Variants in RIMS3 observed in about 807,000 individuals in gnomAD.
RIMS3 encodes regulating synaptic membrane exocytosis protein 3.
Under a neutral mutation model 29.2 loss-of-function variants are expected in RIMS3, and 15 were observed. That is an observed-to-expected ratio of 0.51 (90% CI 0.34 to 0.79). The LOEUF is 0.79. Ranked by LOEUF, RIMS3 falls within the 30% of genes least tolerant of loss-of-function variation. The pLI, the probability that RIMS3 is intolerant of heterozygous loss-of-function variation, is 0.01. For missense variants in RIMS3, 342 were observed against 421.4 expected (o/e 0.81, Z 1.65); for synonymous variants, 161 against 170.1 (o/e 0.95, Z 0.41).
the RIMS3 span, among the ~76,000 whole-genome samples, chr1:40,683,007 G>A: frequency 6.6e-6 from 1 of 152,046 alleles, no homozygotes; most frequent in African/African-American, 2.4e-5. Flanking sequence ...CCAAAGGCAT[G>A]AGTCACTGTG....
At chr1:40,681,170 C>T in the RIMS3 span, among the ~76,000 whole-genome samples, 1 of 152,182 alleles carries the variant, frequency 6.6e-6, no homozygotes, top group Non-Finnish European at 1.5e-5. Flanking sequence ...AAAACTTCCT[C>T]CTTTGGCCCT....
In RIMS3 at chr1:40,636,309, G is replaced by A. The variant is rs1054574370; in HGVS notation, c.218-252C>T. ...AGATGGCTGCAGGCAGAGTCATGAT[G>A]GCGCCACCACGCAGAGCCGCAGATC... On this transcript the variant is annotated intron_variant, in intron 3 of 7. Transcript: ENST00000372684. The surrounding 1 kb of genome is among the most constrained non-coding windows in gnomAD (Gnocchi z 4.2). 1.3e-5 allele frequency among the ~76,000 whole-genome samples: 2 copies of A among 152,140 alleles called. No individual in the cohort carries two copies. Among genetic ancestry groups the A allele is most frequent in the Admixed American group, 6.5e-5 (1 of 15,276 alleles).
chr1:40,624,164 C>T lies in RIMS3; in HGVS notation c.*2353G>A, dbSNP rs1646439539. 3 of 152,298 alleles carry T rather than the reference C, an allele frequency of 2.0e-5. No individual in the cohort carries two copies. In the South Asian group the frequency reaches 6.2e-4, roughly 32 times the overall value. The allele number at this position is 152,298 out of a possible 1,614,324, so 9.4% of individuals were successfully genotyped here. A position where few individuals can be genotyped will look rare whatever the true frequency, so the allele number is the denominator to read the frequency against. ...GGCCTCTCTGCAGGCAGCTCCCCAC[C>T]AGAGGAATGAGGGTATGGGTAGCCC... On this transcript the variant is annotated 3_prime_UTR_variant, in exon 8 of 8. Coordinates refer to ENST00000372684, the MANE Select transcript of RIMS3 (RefSeq NM_014747.3).
chr1:40,665,488 C>G lies in RIMS3; in HGVS notation c.-301G>C, dbSNP rs948409141. On this transcript the variant is annotated 5_prime_UTR_variant, in exon 1 of 8. Coordinates refer to ENST00000372684, the MANE Select transcript of RIMS3 (RefSeq NM_014747.3). ...CAGGTGCTGCCCCGGGACCCCGCCCCGCGAACCCGGCAGTAGGCGCGGCCC... is the reference window on the plus strand; with the variant it reads ...CAGGTGCTGCCCCGGGACCCCGCCCGGCGAACCCGGCAGTAGGCGCGGCCC... 1 of 152,172 alleles carries G rather than the reference C, an allele frequency of 6.6e-6. No homozygotes were observed. Among genetic ancestry groups the G allele is most frequent in the Admixed American group, 6.5e-5 (1 of 15,278 alleles). 9.4% of individuals were successfully genotyped at this position (152,172 alleles called of 1,614,324 possible).
chr1:40,675,079 T>A, the RIMS3 span, among the ~76,000 whole-genome samples: 1 of 151,996 alleles, frequency 6.6e-6, no homozygotes, highest in Non-Finnish European at 1.5e-5. Context: ...TGGACAACAG[T>A]GAGACTTTGT....
At chr1:40,691,837 G>GCTCCTGCTCTTCCTGGA in the RIMS3 span, 2 of 434,852 alleles carry the variant, frequency 4.6e-6, no homozygotes, top group East Asian at 8.2e-5. Context: ...CGCGGGGGCG[G>GCTCCTGCTCTTCCTGGA]CTCCTGCTCT....
At chr1:40,688,425 CTAATTT>C in the RIMS3 span, among the ~76,000 whole-genome samples, 2 of 152,226 alleles carry the variant, frequency 1.3e-5, no homozygotes, top group East Asian at 3.9e-4. Context: ...ACTCAGAAAC[CTAATTT>C]TAATAGTAAG....
At chr1:40,691,545 G>C in the RIMS3 span, 2 of 299,176 alleles carry the variant, frequency 6.7e-6, no homozygotes, top group African/African-American at 2.4e-5. Context: ...TCGAGCTCCC[G>C]AAAGGGGGCG....
the RIMS3 span, among the ~76,000 whole-genome samples, chr1:40,678,086 G>A: frequency 1.1e-4 from 16 of 152,150 alleles, no homozygotes; most frequent in Non-Finnish European, 1.5e-5. Context: ...AGAACCATCA[G>A]TCTATCCCTC....
Position 40,621,450 on chromosome 1 carries a change from G to A in RIMS3, c.*5067C>T, listed in dbSNP as rs1245392115. 6.6e-6 allele frequency: 1 copy of A among 152,236 alleles called. No homozygotes were observed. The highest frequency in any genetic ancestry group is 2.4e-5 in the African/African-American group (1 of 41,454). The allele number at this position is 152,236 out of a possible 1,614,324, so 9.4% of individuals were successfully genotyped here. On this transcript the variant is annotated 3_prime_UTR_variant, in exon 8 of 8. Coordinates refer to ENST00000372684, the MANE Select transcript of RIMS3 (RefSeq NM_014747.3). The stretch of plus-strand genomic sequence containing the variant: ...AGTTCTTGTCTGAGGCAGCATCTGG[G>A]CATGGACCAGATGAGAGCCTGCACC...
the RIMS3 span, chr1:40,691,289 C>A: frequency 6.2e-6 from 1 of 161,282 alleles, no homozygotes; most frequent in African/African-American, 2.4e-5. Context: ...TCTACTTGAA[C>A]GGCATGCTTA....
rs558112464 is a variant in RIMS3, at chr1:40,620,783, C to T, written c.*5734G>A. 4.6e-5 allele frequency: 7 copies of T among 152,754 alleles called. No individual in the cohort carries two copies. Among genetic ancestry groups the T allele is most frequent in the African/African-American group, 1.4e-4 (6 of 41,562 alleles). The allele number at this position is 152,754 out of a possible 1,614,324, so 9.5% of individuals were successfully genotyped here. A position where few individuals can be genotyped will look rare whatever the true frequency, so the allele number is the denominator to read the frequency against. On this transcript the variant is annotated 3_prime_UTR_variant, in exon 8 of 8. Coordinates refer to ENST00000372684, the MANE Select transcript of RIMS3 (RefSeq NM_014747.3). ...CAAGGGAATTGGCAAGAATGTTGTA[C>T]GAAACAGCCGGCAGTCCCTCCCAGC...
At chr1:40,656,565 A>G (rs958413482) in intron 1 of RIMS3, among the ~76,000 whole-genome samples, 7 of 152,124 alleles carry the variant, frequency 4.6e-5, no homozygotes, top group Admixed American at 3.9e-4. Flanking sequence ...AGGTGGATCA[A>G]CTGAGGTCGG....
the RIMS3 span, among the ~76,000 whole-genome samples, chr1:40,679,856 A>C: frequency 2.0e-5 from 3 of 152,216 alleles, no homozygotes; most frequent in Non-Finnish European, 2.9e-5. Context: ...AGGGGAATGA[A>C]AACCAAGAAG....
the RIMS3 span, among the ~76,000 whole-genome samples, chr1:40,674,339 C>A: frequency 2.0e-5 from 3 of 152,226 alleles, no homozygotes; most frequent in Non-Finnish European, 4.4e-5. Flanking sequence ...CACTCACATT[C>A]ACTTTAAGGA....
intron 4 of RIMS3, among the ~76,000 whole-genome samples, chr1:40,633,622 G>A (rs887040436): frequency 6.6e-6 from 1 of 152,208 alleles, no homozygotes; most frequent in African/African-American, 2.4e-5. Context: ...CAAACATGAG[G>A]TGGTGCCCAG....
chr1:40,628,596 A>G (rs1646469195), intron 7 of RIMS3, among the ~76,000 whole-genome samples: 1 of 152,210 alleles, frequency 6.6e-6, no homozygotes, highest in Non-Finnish European at 1.5e-5. Context: ...CAGCTGTGCA[A>G]CCTGGGGAGC....
intron 7 of RIMS3, among the ~76,000 whole-genome samples, chr1:40,628,220 T>C (rs1646467437): frequency 6.6e-6 from 1 of 152,242 alleles, no homozygotes; most frequent in South Asian, 2.1e-4. Context: ...GATCCACCAC[T>C]GTGCTTTATC....
intron 5 of RIMS3, among the ~76,000 whole-genome samples, chr1:40,632,350 G>A (rs975900601): frequency 4.7e-5 from 7 of 149,184 alleles, no homozygotes; most frequent in Non-Finnish European, 8.9e-5. Context: ...ATCAAATAGG[G>A]GACATGATTG....
Sources: gnomAD v4.1 joint callset for allele counts (sites outside exome capture counted in the v4.1 genomes callset) on GRCh38, gnomAD v4.1.1 for gene constraint, Gnocchi (gnomAD v3.1) non-coding constraint, MANE v1.5 for transcripts, NCBI Gene and HGNC (gene_info 2026-07-23, HGNC 2026-07-21) for gene names.